ESPNL: variants seen among roughly 807,000 people sequenced by gnomAD.
The protein encoded by ESPNL is espin like, also known as espin-like protein.
A neutral mutation model predicts 46.8 loss-of-function variants in ESPNL; 49 were observed. The observed-to-expected ratio is 1.05, with a 90% CI of 0.83 to 1.33. ESPNL has a LOEUF of 1.33. ESPNL is among the 40% of genes most tolerant of loss of function. The pLI is 0.00. For missense variants in ESPNL, 1,540 were observed against 1,436.6 expected, an observed-to-expected ratio of 1.07 and a Z score of -1.16; for synonymous variants, 664 against 662.1, an observed-to-expected ratio of 1.00 and a Z score of -0.04.
intron 4 of ESPNL, among the ~76,000 whole-genome samples, chr2:238,111,205 G>A (rs1691711366): frequency 1.3e-5 from 2 of 152,194 alleles, no homozygotes; most frequent in South Asian, 2.1e-4. Flanking sequence ...GGGATTACAG[G>A]CATGAGCTAC....
intron 4 of ESPNL, among the ~76,000 whole-genome samples, chr2:238,116,050 T>C (rs530532737): frequency 5.9e-5 from 9 of 152,376 alleles, no homozygotes; most frequent in Non-Finnish European, 1.3e-4. Context: ...ATCTCAGAGA[T>C]ACATTTGGGT....
chr2:238,113,272 G>T (rs1691750063), intron 4 of ESPNL, among the ~76,000 whole-genome samples: 1 of 152,180 alleles, frequency 6.6e-6, no homozygotes, highest in African/African-American at 2.4e-5. Context: ...TTAACCATAT[G>T]CAGTCATGTT....
In ESPNL at chr2:238,127,693, G is replaced by T. The variant is rs1184905508; in HGVS notation, c.1174G>T (p.Ala392Ser). The change falls in exon 7 of 9, where the codon GCC becomes TCC. Residue 392 changes from alanine (A) to serine (S), a missense_variant. Physicochemically the swap from Ala to Ser is moderately conservative, Grantham distance 99. Transcript: ENST00000343063. Reference protein sequence around the residue: ...PLPREQMTSPAPPRIITSATA... With the variant: ...PLPREQMTSPSPPRIITSATA... ...TCCCAGGGAGCAGATGACCAGCCCG[G>T]CCCCTCCGAGGATCATCACCAGTGC... The T allele has an allele frequency of 6.2e-7, 1 of 1,612,350 alleles. No homozygotes were observed. The highest frequency in any genetic ancestry group is 8.5e-7 in the Non-Finnish European group (1 of 1,179,452).
intron 5 of ESPNL, among the ~76,000 whole-genome samples, chr2:238,117,246 CAG>C (rs1269419880): frequency 3.3e-5 from 5 of 152,096 alleles, no homozygotes; most frequent in Non-Finnish European, 5.9e-5. Flanking sequence ...GGAGCTGTGA[CAG>C]GGGCCAGGAC....
intron 6 of ESPNL, chr2:238,127,390 G>A (rs1248416432): frequency 1.5e-6 from 2 of 1,315,006 alleles, no homozygotes; most frequent in African/African-American, 3.1e-5. Flanking sequence ...GCGTGGCCCA[G>A]CGGTGTGCCG....
In ESPNL at chr2:238,117,034, G is replaced by A. The variant is rs762611475; in HGVS notation, c.987G>A (p.Pro329=). Residue 329 remains proline, a splice_region_variant and synonymous_variant, in exon 5 of 9, where the codon CCG becomes CCA. Coordinates refer to ENST00000343063, the MANE Select transcript of ESPNL (RefSeq NM_194312.4). ...AGTACCTGCGGGAGGTGGCCCAGCC[G>A]GTAAGGCTCAGGGTCCCCAGCTGCC... is the stretch of plus-strand genomic sequence containing the variant. ...CAQYLREVAQ[P]VPLLMTPPPP... The A allele has an allele frequency of 1.6e-5, 26 of 1,608,076 alleles. No individual in the cohort carries two copies. Among genetic ancestry groups the A allele is most frequent in the South Asian group, 6.6e-5 (6 of 90,324 alleles).
At position 238,131,649 on chromosome 2, in the gene ESPNL, G is replaced by A. The variant is rs201709336; in HGVS notation, c.2935G>A (p.Gly979Ser). The A allele has an allele frequency of 1.6e-5, 25 of 1,609,126 alleles. No homozygotes were observed. The highest frequency in any genetic ancestry group is 2.0e-5 in the Non-Finnish European group (23 of 1,176,958). Residue 979 changes from glycine (G) to serine (S), a missense_variant, in exon 9 of 9, where the codon GGT becomes AGT. Transcript: ENST00000343063. ...GSRSQQGSFN[G>S]EDICGYINRS... ...CCGCTCCCAGCAGGGCAGCTTCAAC[G>A]GTGAGGACATCTGCGGCTACATCAA... is the stretch of plus-strand genomic sequence containing the variant.
At chr2:238,124,950 C>T (rs759410141) in intron 5 of ESPNL, among the ~76,000 whole-genome samples, 8 of 152,176 alleles carry the variant, frequency 5.3e-5, no homozygotes, top group African/African-American at 1.7e-4. Flanking sequence ...ACCCAGTACC[C>T]GGAGCCCCAG....
chr2:238,106,975 G>A (rs986968103), intron 3 of ESPNL, among the ~76,000 whole-genome samples: 5 of 152,342 alleles, frequency 3.3e-5, no homozygotes, highest in East Asian at 1.9e-4. Context: ...CACCGAAGGC[G>A]ACGGGCTGCT....
chr2:238,100,823 G>A, intron 1 of ESPNL, 110 bp downstream of exon 1: 2 of 976,156 alleles, frequency 2.0e-6, no homozygotes. Flanking sequence ...CATGGCCCTG[G>A]GCCCTTTGTT....
At chr2:238,124,699 A>ATGTGTGCAGGAGAATGTACATGTG (rs1559265842) in intron 5 of ESPNL, among the ~76,000 whole-genome samples, 24 of 64,280 alleles carry the variant, frequency 3.7e-4, no homozygotes, top group African/African-American at 1.5e-3. Context: ...GAGTACGTGC[A>ATGTGTGCAGGAGAATGTACATGTG]TGTGTGTGCA....
intron 2 of ESPNL, 24 bp downstream of exon 2, chr2:238,102,155 G>GT (rs1308009410): frequency 6.6e-7 from 1 of 1,506,718 alleles, no homozygotes; most frequent in Non-Finnish European, 8.9e-7. Context: ...AGTCCCGCCT[G>GT]GGGGGGCAGC....
intron 1 of ESPNL, among the ~76,000 whole-genome samples, chr2:238,101,205 C>G (rs191479080): frequency 6.6e-6 from 1 of 152,194 alleles, no homozygotes; most frequent in Non-Finnish European, 1.5e-5. Context: ...GCAGGCGAGG[C>G]CCTTAGAGCT....
intron 6 of ESPNL, among the ~76,000 whole-genome samples, chr2:238,127,123 C>CTGTGTG (rs1559267267): frequency 1.1e-4 from 16 of 145,928 alleles, no homozygotes; most frequent in Non-Finnish European, 4.5e-5. Flanking sequence ...GTGATTGTGT[C>CTGTGTG]TGTGTCTGTG....
At chr2:238,125,482 C>T (rs977707789) in intron 6 of ESPNL, 98 bp downstream of exon 6, 31 of 577,440 alleles carry the variant, frequency 5.4e-5, no homozygotes, top group African/African-American at 4.9e-4. Flanking sequence ...GGCAAGTCTG[C>T]GGGCAGCCGG....
At chr2:238,122,160 T>G (rs890681509) in intron 5 of ESPNL, among the ~76,000 whole-genome samples, 1 of 152,248 alleles carries the variant, frequency 6.6e-6, no homozygotes, top group African/African-American at 2.4e-5. Context: ...GGGCAGCACA[T>G]GTCTAAATGT....
intron 4 of ESPNL, among the ~76,000 whole-genome samples, chr2:238,111,861 GGAATAAATTCAACATGACATATTATTCCT>G (rs1691724328): frequency 1.3e-5 from 2 of 152,032 alleles, no homozygotes; most frequent in Admixed American, 1.3e-4. Flanking sequence ...TTTCATTCCT[GGAATAAATTCAACATGACATATTATTCCT>G]TTTAAATATA....
rs1460423689 is a variant in ESPNL at position 238,119,400 on chromosome 2, T to C, written c.987+2366T>C. ...GAAGGAGTTGGATGCAGGAGGTGGATGGAGGAGGTGGATGGAGGAGGGTAG... is the reference window on the plus strand; with the variant it reads ...GAAGGAGTTGGATGCAGGAGGTGGACGGAGGAGGTGGATGGAGGAGGGTAG... On this transcript the variant is annotated intron_variant, in intron 5 of 8. Transcript: ENST00000343063. Among the ~76,000 whole-genome samples, 460 of 86,982 alleles carry C rather than the reference T, an allele frequency of 5.3e-3. 14 individuals are homozygous for C. The highest frequency in any genetic ancestry group is 0.022 in the African/African-American group (433 of 19,600). 57.1% of individuals were successfully genotyped at this position (86,982 alleles called of 152,430 possible).
chr2:238,104,151 G>A (rs1440197885), intron 2 of ESPNL, among the ~76,000 whole-genome samples: 1 of 152,140 alleles, frequency 6.6e-6, no homozygotes, highest in Non-Finnish European at 1.5e-5. Context: ...GGACAGGGTG[G>A]CGTGGTCAGC....
Sources: allele counts gnomAD v4.1 joint callset (sites outside exome capture counted in the v4.1 genomes callset), GRCh38; gene constraint gnomAD v4.1.1; transcripts MANE v1.5; gene names NCBI Gene and HGNC (gene_info 2026-07-23, HGNC 2026-07-21).